The following LRIG1 variants were observed in gnomAD, a reference collection of about 807,000 sequenced individuals.
LRIG1 encodes leucine-rich repeats and immunoglobulin-like domains protein 1.
A neutral mutation model predicts 99.2 loss-of-function variants in LRIG1; 48 were observed. The observed-to-expected ratio is 0.48, with a 90% confidence interval of 0.38 to 0.62. The LOEUF (loss-of-function observed/expected upper bound fraction) is 0.62, where lower values mean the gene tolerates loss of function less well. Ranked by LOEUF, LRIG1 falls within the 20% of genes least tolerant of loss-of-function variation. The probability of loss-of-function intolerance (pLI) is 0.00; values close to 1 mark genes in which losing one functional copy is unlikely to be tolerated. For synonymous variants in LRIG1, 772 were observed against 596.1 expected (o/e 1.29, Z -4.30); for missense variants, 1,646 against 1,434.4 (o/e 1.15, Z -2.38).
At chr3:66,450,592 C>T (rs529205631) in intron 3 of LRIG1, among the ~76,000 whole-genome samples, 1 of 152,240 alleles carries the variant, frequency 6.6e-6, no homozygotes, top group African/African-American at 2.4e-5. Context: ...TGCTGCCAGC[C>T]AAAGATCCGA....
In LRIG1 at chr3:66,442,289, T is replaced by C. The variant is rs532027107; in HGVS notation, c.365+9270A>G. Among the ~76,000 whole-genome samples the C allele has an allele frequency of 3.3e-5, 5 of 152,222 alleles. No individual in the cohort carries two copies. In the South Asian group the frequency reaches 1.0e-3, roughly 32 times the overall value. ...CCACTTGGGCTATAAAAGCTGAAAA[T>C]GGCTCCCAGGTGTGAGCAGACACAA... On this transcript the variant is annotated intron_variant, in intron 3 of 18. Coordinates refer to ENST00000273261, the MANE Select transcript of LRIG1 (RefSeq NM_015541.3).
Position 66,381,621 on chromosome 3 carries a change from T to C in LRIG1, c.2628A>G (p.Pro876=), listed in dbSNP as rs767352548. The change falls in exon 17 of 19, where the codon CCA becomes CCG. Residue 876 remains proline (P), a synonymous_variant. Transcript: ENST00000273261. ...NGHIESNGVC[P]RDASHFPEPD... ...GCTCTGGAAAGTGGCTTGCATCTCTTGGACACACACCTGCAAGTGGATTCC... is the reference window on the plus strand; with the variant it reads ...GCTCTGGAAAGTGGCTTGCATCTCTCGGACACACACCTGCAAGTGGATTCC... The C allele has an allele frequency of 1.2e-6, 2 of 1,613,590 alleles. No homozygotes were observed. The highest frequency in any genetic ancestry group is 1.3e-5 in the African/African-American group (1 of 75,038).
At chr3:66,443,547 G>A (rs1286654553) in intron 3 of LRIG1, among the ~76,000 whole-genome samples, 1 of 152,136 alleles carries the variant, frequency 6.6e-6, no homozygotes, top group Non-Finnish European at 1.5e-5. Flanking sequence ...GGGAGCCTCA[G>A]CTAAAATGTC....
intron 3 of LRIG1, among the ~76,000 whole-genome samples, chr3:66,429,628 A>C (rs1703089962): frequency 9.2e-6 from 1 of 108,204 alleles, no homozygotes; most frequent in African/African-American, 2.5e-5. Context: ...TCTGTATGAC[A>C]CTGTAATGGT....
chr3:66,398,834 A>T, intron 10 of LRIG1, 136 bp downstream of exon 10: 1 of 705,678 alleles, frequency 1.4e-6, no homozygotes, highest in Non-Finnish European at 2.5e-6. Context: ...AAGCTGACAT[A>T]ATGAGAAGGA....
chr3:66,407,956 C>T (rs1223333683), intron 7 of LRIG1, among the ~76,000 whole-genome samples: 3 of 152,210 alleles, frequency 2.0e-5, no homozygotes, highest in Non-Finnish European at 4.4e-5. Context: ...CACCACTAGC[C>T]CCTGCGTGGG....
chr3:66,467,628 T>C (rs1700504677), intron 1 of LRIG1, among the ~76,000 whole-genome samples: 1 of 152,254 alleles, frequency 6.6e-6, no homozygotes, highest in African/African-American at 2.4e-5. Context: ...CCCAAAGTGC[T>C]GGGATTACAG....
intron 3 of LRIG1, among the ~76,000 whole-genome samples, chr3:66,443,591 C>G (rs893499796): frequency 2.6e-5 from 4 of 152,124 alleles, no homozygotes; most frequent in Non-Finnish European, 2.9e-5. Flanking sequence ...TCATGTGACC[C>G]ATCAGTGACG....
chr3:66,463,363 T>TGTTCGTG (rs1438990164), intron 1 of LRIG1, among the ~76,000 whole-genome samples: 1 of 152,196 alleles, frequency 6.6e-6, no homozygotes, highest in Non-Finnish European at 1.5e-5. Context: ...TGGAAATTCT[T>TGTTCGTG]GTTCGTGTTA....
At chr3:66,500,167 AG>A (rs1202654301) in intron 1 of LRIG1, 22 bp downstream of exon 1, 3 of 1,504,130 alleles carry the variant, frequency 2.0e-6, no homozygotes, top group Admixed American at 4.1e-5. Context: ...GGGCGCAGAG[AG>A]GGCGGAAAGG....
chr3:66,433,277 G>T lies in LRIG1; in HGVS notation c.366-16011C>A, dbSNP rs76512503. On this transcript the variant is annotated intron_variant, in intron 3 of 18. Coordinates refer to ENST00000273261, the MANE Select transcript of LRIG1 (RefSeq NM_015541.3). Reference sequence around the variant, plus strand: ...CAAGATGCAAGCATAGGTATCCTCTGACTCCAGGCTGTGCCGCTCTCTGGA... The same window carrying T: ...CAAGATGCAAGCATAGGTATCCTCTTACTCCAGGCTGTGCCGCTCTCTGGA... Among the ~76,000 whole-genome samples the T allele has an allele frequency of 7.5e-3, 1,149 of 152,342 alleles. 18 individuals carry two copies. Among genetic ancestry groups the T allele is most frequent in the African/African-American group, 0.026 (1,099 of 41,582 alleles).
At chr3:66,433,187 G>C (rs1317197327) in intron 3 of LRIG1, among the ~76,000 whole-genome samples, 1 of 152,226 alleles carries the variant, frequency 6.6e-6, no homozygotes, top group Admixed American at 6.5e-5. Context: ...CACCACGCCA[G>C]AGAAGCCACC....
chr3:66,452,239 A>G (rs551370581), intron 2 of LRIG1, among the ~76,000 whole-genome samples: 2 of 152,322 alleles, frequency 1.3e-5, no homozygotes, highest in Non-Finnish European at 2.9e-5. Context: ...ACTTTTGCGC[A>G]TAGACACTTT....
intron 3 of LRIG1, among the ~76,000 whole-genome samples, chr3:66,434,776 A>C (rs908615770): frequency 2.1e-5 from 3 of 145,496 alleles, no homozygotes; most frequent in South Asian, 2.2e-4. Context: ...AAAAAAAAAC[A>C]CACCACCAAA....
In LRIG1 at chr3:66,398,096, G is replaced by T. The variant is rs757846694; in HGVS notation, c.1304+16C>A. The T allele has an allele frequency of 6.2e-7, 1 of 1,602,812 alleles. No individual in the cohort carries two copies. The highest frequency in any genetic ancestry group is 2.2e-5 in the East Asian group (1 of 44,806). On this transcript the variant is annotated intron_variant, in intron 11 of 18. Transcript: ENST00000273261. ...TCCACTACCATTAATCAGACCCAGG[G>T]AATCCAGATACTTACAGCTCTTTAA...
chr3:66,421,277 G>C (rs1460249631), intron 3 of LRIG1, among the ~76,000 whole-genome samples: 1 of 152,112 alleles, frequency 6.6e-6, no homozygotes, highest in African/African-American at 2.4e-5. Flanking sequence ...ACTCATTTCA[G>C]CATTAACTCA....
intron 3 of LRIG1, among the ~76,000 whole-genome samples, chr3:66,450,094 C>G (rs1209001269): frequency 6.6e-6 from 1 of 152,122 alleles, no homozygotes; most frequent in African/African-American, 2.4e-5. Context: ...ATTGATTAAG[C>G]CAAAAATTAA....
chr3:66,422,392 T>A (rs1484377562), intron 3 of LRIG1, among the ~76,000 whole-genome samples: 1 of 152,230 alleles, frequency 6.6e-6, no homozygotes, highest in East Asian at 1.9e-4. Context: ...GCTTAGAAAT[T>A]TATTCCATCA....
intron 3 of LRIG1, among the ~76,000 whole-genome samples, chr3:66,446,714 C>T (rs1434742846): frequency 6.6e-6 from 1 of 151,944 alleles, no homozygotes; most frequent in Non-Finnish European, 1.5e-5. Flanking sequence ...CCTTCCTATC[C>T]CTTTCATTTA....
Sources: gnomAD v4.1 joint callset for allele counts (sites outside exome capture counted in the v4.1 genomes callset) on GRCh38, gnomAD v4.1.1 for gene constraint, MANE v1.5 for transcripts, NCBI Gene and HGNC (gene_info 2026-07-23, HGNC 2026-07-21) for gene names.